TAF5L: variants seen among roughly 807,000 people sequenced by gnomAD.
TAF5L encodes TATA-box binding protein associated factor 5 like.
TAF5L carries 7 observed loss-of-function variants against 51.3 expected under a neutral mutation model. The observed-to-expected ratio is 0.14, with a 90% CI of 0.08 to 0.26. TAF5L has a LOEUF of 0.26. TAF5L is among the 10% of genes least tolerant of loss of function. The pLI, the probability that TAF5L is intolerant of heterozygous loss-of-function variation, is 1.00. For synonymous variants in TAF5L, 291 were observed against 308.1 expected, an observed-to-expected ratio of 0.94 and a Z score of 0.58; for missense variants, 575 against 758.9, an observed-to-expected ratio of 0.76 and a Z score of 2.85.
In TAF5L at chr1:229,594,114, C is replaced by A; in HGVS notation, c.*183G>T. 2 of 656,904 alleles carry A rather than the reference C, an allele frequency of 3.0e-6. No homozygotes were observed. The highest frequency in any genetic ancestry group is 5.7e-5 in the East Asian group (2 of 35,054). The allele number at this position is 656,904 out of a possible 1,614,324, so 40.7% of individuals were successfully genotyped here. ...TCATCATTGCCTCTCTCCTGTTCCC[C>A]TCCCCAACCTTGGCCTTCGACACTG... On this transcript the variant is annotated 3_prime_UTR_variant, in exon 5 of 5. Transcript: ENST00000258281. This position sits in a 1 kb window ranked among gnomAD's most constrained non-coding sequence, Gnocchi z 7.9.
rs1665416728 is a variant in TAF5L at position 229,625,537 on chromosome 1, C to G, written c.-4+348G>C. Among the ~76,000 whole-genome samples, 1 of 152,238 alleles carries G rather than the reference C, an allele frequency of 6.6e-6. No homozygotes were observed. Among genetic ancestry groups the G allele is most frequent in the East Asian group, 1.9e-4 (1 of 5,188 alleles). ...TGCTTGGCTGTCGGGCACTGGGATA[C>G]CTTCCCCGCGGGCGCCCGCCACCTC... On this transcript the variant is annotated intron_variant, in intron 1 of 4. Transcript: ENST00000258281. The surrounding 1 kb of genome is among the most constrained non-coding windows in gnomAD (Gnocchi z 4.0).
chr1:229,624,351 A>T (rs1665339591), intron 1 of TAF5L, among the ~76,000 whole-genome samples: 1 of 152,228 alleles, frequency 6.6e-6, no homozygotes, highest in South Asian at 2.1e-4. Context: ...CTTAGCGCTG[A>T]TTTTTAAGGC....
rs1009992099 is a variant in TAF5L, at chr1:229,625,257, G to A, written c.-4+628C>T. On this transcript the variant is annotated intron_variant, in intron 1 of 4. Coordinates refer to ENST00000258281, the Ensembl canonical transcript of TAF5L. This position sits in a 1 kb window ranked among gnomAD's most constrained non-coding sequence, Gnocchi z 4.0. ...AGCCTGGCAGCTTCGCGAGCTGGAG[G>A]TGGTGAACCCGTCCCACACCATGGG... 2.6e-5 allele frequency among the ~76,000 whole-genome samples: 4 copies of A among 152,186 alleles called. No individual in the cohort carries two copies. The highest frequency in any genetic ancestry group is 4.4e-5 in the Non-Finnish European group (3 of 68,034).
At chr1:229,616,746 CTG>C (rs1665017198) in intron 1 of TAF5L, among the ~76,000 whole-genome samples, 1 of 152,076 alleles carries the variant, frequency 6.6e-6, no homozygotes, top group African/African-American at 2.4e-5. Context: ...ACAGAGCAAA[CTG>C]TGAAGGCTAG....
rs182312850 is a variant in TAF5L at position 229,596,095 on chromosome 1, G to A, written c.973-1001C>T. Among the ~76,000 whole-genome samples, 195 of 152,226 alleles carry A rather than the reference G, an allele frequency of 1.3e-3. 2 individuals carry two copies. The Middle Eastern group carries it at 0.02, about 16-fold the overall frequency. On this transcript the variant is annotated intron_variant, in intron 4 of 4. Transcript: ENST00000258281. ...TGGGAGACCAGCCTGGGAAACATAG[G>A]GAGATTCTTTACCAAAAAAATTTAA... is the stretch of plus-strand genomic sequence containing the variant.
chr1:229,601,177 C>T, intron 4 of TAF5L: 1 of 985,358 alleles, frequency 1.0e-6, no homozygotes, highest in Non-Finnish European at 1.2e-6. Flanking sequence ...ATTCAAAGGC[C>T]ATCCTAACTG....
At chr1:229,617,416 C>T (rs528295651) in intron 1 of TAF5L, among the ~76,000 whole-genome samples, 1 of 152,354 alleles carries the variant, frequency 6.6e-6, no homozygotes, top group East Asian at 1.9e-4. Flanking sequence ...TTCAAGATCT[C>T]CTACTCTGCG....
At chr1:229,614,027 G>A in intron 2 of TAF5L, 3 of 598,656 alleles carry the variant, frequency 5.0e-6, no homozygotes, top group South Asian at 4.0e-5. Context: ...GGTCTTGTAG[G>A]TTAATTGTTT....
At chr1:229,615,149 G>A (rs1664934013) in intron 1 of TAF5L, among the ~76,000 whole-genome samples, 1 of 152,192 alleles carries the variant, frequency 6.6e-6, no homozygotes, top group Middle Eastern at 3.4e-3. Context: ...GTGCATTGGT[G>A]CGATCTCAGC....
chr1:229,594,170 A>G lies in TAF5L; in HGVS notation c.*127T>C. On this transcript the variant is annotated 3_prime_UTR_variant, in exon 5 of 5. Coordinates refer to ENST00000258281, the Ensembl canonical transcript of TAF5L. This position sits in a 1 kb window ranked among gnomAD's most constrained non-coding sequence, Gnocchi z 7.9. Reference sequence around the variant, plus strand: ...CTGAGTGAAGGGGGACCTGCCCGGAATGAGGGCCCAGGAGAGAGGGGAGGA... The same window carrying G: ...CTGAGTGAAGGGGGACCTGCCCGGAGTGAGGGCCCAGGAGAGAGGGGAGGA... 9.5e-7 allele frequency: 1 copy of G among 1,053,766 alleles called. No individual in the cohort carries two copies. The allele number at this position is 1,053,766 out of a possible 1,614,324, so 65.3% of individuals were successfully genotyped here.
chr1:229,623,584 C>T (rs1417482497), intron 1 of TAF5L, among the ~76,000 whole-genome samples: 10 of 152,206 alleles, frequency 6.6e-5, no homozygotes, highest in Admixed American at 6.5e-4. Context: ...CAATCCCTTC[C>T]ACACACGAAC....
chr1:229,605,045 G>A (rs950377933), intron 3 of TAF5L, among the ~76,000 whole-genome samples: 7 of 151,774 alleles, frequency 4.6e-5, no homozygotes, highest in Non-Finnish European at 7.4e-5. Flanking sequence ...TCAAGTGATT[G>A]TCCTGCCTCA....
intron 3 of TAF5L, 139 bp from the exon 4 acceptor site, chr1:229,603,058 C>A: frequency 7.2e-7 from 1 of 1,398,376 alleles, no homozygotes; most frequent in Non-Finnish European, 9.3e-7. Context: ...AACTATAAGC[C>A]CAACACAGGA....
At chr1:229,614,135 A>T in intron 2 of TAF5L, 3 of 775,882 alleles carry the variant, frequency 3.9e-6, no homozygotes, top group Non-Finnish European at 6.6e-6. Context: ...CACAGAGGTT[A>T]TCAGAAGTGA....
chr1:229,612,420 G>A (rs1360768249), intron 2 of TAF5L, among the ~76,000 whole-genome samples: 1 of 150,712 alleles, frequency 6.6e-6, no homozygotes, highest in African/African-American at 2.4e-5. Flanking sequence ...TAAATGGCTA[G>A]GATGGCATGT....
chr1:229,594,288 G>A lies in TAF5L; in HGVS notation c.*9C>T, dbSNP rs1450378802. On this transcript the variant is annotated 3_prime_UTR_variant, in exon 5 of 5. Transcript: ENST00000258281. This position sits in a 1 kb window ranked among gnomAD's most constrained non-coding sequence, Gnocchi z 7.9. ...TGTTACCCCAGTCCGTTCCAACAAA[G>A]TTAAAAAATTAATGTTCCTGATTTT... is the stretch of plus-strand genomic sequence containing the variant. The A allele has an allele frequency of 6.2e-7, 1 of 1,601,812 alleles. No individual in the cohort carries two copies. Among genetic ancestry groups the A allele is most frequent in the African/African-American group, 1.3e-5 (1 of 74,736 alleles).
At chr1:229,606,417 C>A (rs140382694) in intron 3 of TAF5L, 2 of 984,976 alleles carry the variant, frequency 2.0e-6, no homozygotes, top group African/African-American at 1.7e-5. Context: ...TGAATGCCTA[C>A]CTGGTGCCCA....
chr1:229,613,733 G>A (rs1476938977), intron 2 of TAF5L, among the ~76,000 whole-genome samples: 1 of 152,028 alleles, frequency 6.6e-6, no homozygotes, highest in African/African-American at 2.4e-5. Flanking sequence ...TTCATGGAGG[G>A]GTCCTGGAAC....
chr1:229,612,515 C>T (rs1231723824), intron 2 of TAF5L, among the ~76,000 whole-genome samples: 1 of 152,132 alleles, frequency 6.6e-6, no homozygotes, highest in Non-Finnish European at 1.5e-5. Flanking sequence ...TATTCTATAC[C>T]AAGGCCATCA....
Sources: gnomAD v4.1 joint callset for allele counts (sites outside exome capture counted in the v4.1 genomes callset) on GRCh38, gnomAD v4.1.1 for gene constraint, Gnocchi (gnomAD v3.1) non-coding constraint, MANE v1.5 for transcripts, NCBI Gene and HGNC (gene_info 2026-07-23, HGNC 2026-07-21) for gene names.